KIF1A: variants seen among roughly 807,000 people sequenced by gnomAD.
The protein encoded by KIF1A is kinesin family member 1A, also known as kinesin-like protein KIF1A.
KIF1A carries 46 observed loss-of-function variants against 227.3 expected under a neutral mutation model. That is an observed-to-expected ratio of 0.20 (90% confidence interval 0.16 to 0.26). The LOEUF (loss-of-function observed/expected upper bound fraction) is 0.26. Ranked by LOEUF, KIF1A falls within the 10% of genes least tolerant of loss-of-function variation. The pLI is 1.00. For missense variants in KIF1A, 1,683 were observed against 2,485.9 expected, an observed-to-expected ratio of 0.68 and a Z score of 6.87; for synonymous variants, 1,022 against 1,012.8, an observed-to-expected ratio of 1.01 and a Z score of -0.17.
At position 240,719,769 on chromosome 2, in the gene KIF1A, C is replaced by G; in HGVS notation, c.5021+5G>C. On this transcript the variant is annotated splice_donor_5th_base_variant and intron_variant, in intron 46 of 48. Transcript: ENST00000498729. ...GGCGGTGCTTTCCAGGGAGGCCCCA[C>G]ACACCTGACTCGGATCTCCTGGATG... is the stretch of plus-strand genomic sequence containing the variant. The G allele has an allele frequency of 6.4e-7, 1 of 1,563,186 alleles. No individual in the cohort carries two copies. The highest frequency in any genetic ancestry group is 8.7e-7 in the Non-Finnish European group (1 of 1,153,024).
intron 28 of KIF1A, among the ~76,000 whole-genome samples, chr2:240,748,315 A>C (rs1409404766): frequency 6.6e-6 from 1 of 152,100 alleles, no homozygotes; most frequent in Non-Finnish European, 1.5e-5. Flanking sequence ...AGAGCTTTGC[A>C]CTGAGCTTGA....
Position 240,726,560 on chromosome 2 carries a change from T to A in KIF1A, c.4122+266A>T, listed in dbSNP as rs2046030530. On this transcript the variant is annotated intron_variant, in intron 39 of 48. Transcript: ENST00000498729. This position sits in a 1 kb window ranked among gnomAD's most constrained non-coding sequence, Gnocchi z 5.2. Reference sequence around the variant, plus strand: ...TGGGAAGCGGAGGTTGCAGTGAGACTGCGCCATTGCACTCCAGCCTGGGCG... The same window carrying A: ...TGGGAAGCGGAGGTTGCAGTGAGACAGCGCCATTGCACTCCAGCCTGGGCG... 6.6e-6 allele frequency among the ~76,000 whole-genome samples: 1 copy of A among 152,172 alleles called. No homozygotes were observed. Among genetic ancestry groups the A allele is most frequent in the South Asian group, 2.1e-4 (1 of 4,816 alleles).
chr2:240,813,017 T>TCAGC (rs2058056117), intron 1 of KIF1A, among the ~76,000 whole-genome samples: 1 of 150,858 alleles, frequency 6.6e-6, no homozygotes, highest in Non-Finnish European at 1.5e-5. Context: ...ACCTCGGGGA[T>TCAGC]CTGCCTTCAC....
Position 240,771,053 on chromosome 2 carries a change from G to C in KIF1A, c.1259C>G (p.Ser420Cys). ...GCTGGACACGGAGGCCGCGCGGCTG[G>C]ACAGGGCTGAGAGCGAGGATGAGGG... Reference protein sequence around the residue: ...MSPSSSLSALSSRAASVSSLH... With the variant: ...MSPSSSLSALCSRAASVSSLH... The change falls in exon 15 of 49, where the codon TCC becomes TGC. Residue 420 changes from serine (S) to cysteine (C), a missense_variant. Coordinates refer to ENST00000498729, the MANE Select transcript of KIF1A (RefSeq NM_001244008.2). The C allele has an allele frequency of 6.2e-7, 1 of 1,613,410 alleles. No homozygotes were observed. Among genetic ancestry groups the C allele is most frequent in the Non-Finnish European group, 8.5e-7 (1 of 1,179,842 alleles).
Position 240,717,187 on chromosome 2 carries a change from T to C in KIF1A, c.*177A>G, listed in dbSNP as rs898802782. 3 of 571,218 alleles carry C rather than the reference T, an allele frequency of 5.3e-6. No individual in the cohort carries two copies. Among genetic ancestry groups the C allele is most frequent in the Non-Finnish European group, 9.3e-6 (3 of 321,534 alleles). 35.4% of individuals were successfully genotyped at this position (571,218 alleles called of 1,614,324 possible). On this transcript the variant is annotated 3_prime_UTR_variant, in exon 49 of 49. Transcript: ENST00000498729. ...AAGAACTGACACGCACAGCCTCTGC[T>C]GGGAGCACAGCTGGTCGTGTGGCAC...
Position 240,788,998 on chromosome 2 carries a change from C to A in KIF1A, c.183+238G>T, listed in dbSNP as rs188135072. Among the ~76,000 whole-genome samples the A allele has an allele frequency of 6.6e-6, 1 of 152,142 alleles. No individual in the cohort carries two copies. Among genetic ancestry groups the A allele is most frequent in the South Asian group, 2.1e-4 (1 of 4,828 alleles). ...GGGGGAAAAGTCACCAGCAGATGGA[C>A]GTACACACAGCTCTGACCCTGGAAA... On this transcript the variant is annotated intron_variant, in intron 3 of 48. Coordinates refer to ENST00000498729, the MANE Select transcript of KIF1A (RefSeq NM_001244008.2). This position sits in a 1 kb window ranked among gnomAD's most constrained non-coding sequence, Gnocchi z 6.6.
At chr2:240,724,942 G>GGGGGGGA (rs2045830924) in intron 40 of KIF1A, 1 of 180,776 alleles carries the variant, frequency 5.5e-6, no homozygotes, top group Non-Finnish European at 1.1e-5. Context: ...GGCGGGGGGG[G>GGGGGGGA]GGGGGGGGGA....
intron 5 of KIF1A, among the ~76,000 whole-genome samples, 197 bp from the exon 6 acceptor site, chr2:240,786,710 A>AGTGAGGAGATGGGGGCCGCCATCAGGG (rs1559529661): frequency 9.5e-6 from 1 of 105,602 alleles, no homozygotes; most frequent in Non-Finnish European, 2.0e-5. Context: ...CAGCATCAGG[A>AGTGAGGAGATGGGGGCCGCCATCAGGG]CCCCTGAGTG....
chr2:240,719,073 T>C lies in KIF1A; in HGVS notation c.5147A>G (p.Glu1716Gly). The C allele has an allele frequency of 1.2e-6, 2 of 1,612,556 alleles. No homozygotes were observed. Among genetic ancestry groups the C allele is most frequent in the Non-Finnish European group, 1.7e-6 (2 of 1,179,746 alleles). The part of the protein sequence containing the change: ...YMYNSDKDTV[E>G]RFVLNLATAQ... Reference sequence around the variant, plus strand: ...AGTGGCCAGGTTGAGCACGAACCGCTCCACGGTGTCCTTGTCGCTGTTGTA... The same window carrying C: ...AGTGGCCAGGTTGAGCACGAACCGCCCCACGGTGTCCTTGTCGCTGTTGTA... Residue 1716 changes from glutamate to glycine, a missense_variant, in exon 47 of 49, where the codon GAG becomes GGG. Physicochemically the swap from Glu to Gly is moderately conservative, Grantham distance 98. Transcript: ENST00000498729.
intron 38 of KIF1A, among the ~76,000 whole-genome samples, chr2:240,732,714 G>A (rs1161706181): frequency 9.0e-6 from 1 of 110,626 alleles, no homozygotes; most frequent in Non-Finnish European, 1.9e-5. Context: ...GGATGAGGGG[G>A]GATGAGGGAT....
chr2:240,750,833 C>T (rs1161162656), intron 27 of KIF1A, among the ~76,000 whole-genome samples: 1 of 152,174 alleles, frequency 6.6e-6, no homozygotes, highest in African/African-American at 2.4e-5. Flanking sequence ...GAGAAGGGAG[C>T]AGCCGAGGAG....
intron 6 of KIF1A, among the ~76,000 whole-genome samples, chr2:240,785,695 C>T (rs1467081612): frequency 6.6e-6 from 1 of 152,218 alleles, no homozygotes; most frequent in African/African-American, 2.4e-5. Flanking sequence ...GTCACAATGA[C>T]GGCCAGGGTG....
At chr2:240,819,700 C>T (rs1371063495) in intron 1 of KIF1A, among the ~76,000 whole-genome samples, 2 of 151,400 alleles carry the variant, frequency 1.3e-5, no homozygotes, top group Non-Finnish European at 2.9e-5. Flanking sequence ...CCTCCCCCGC[C>T]GTCTGGGCGC....
At chr2:240,769,006 AGTGCCTG>A in intron 17 of KIF1A, 120 bp downstream of exon 17, 1 of 786,660 alleles carries the variant, frequency 1.3e-6, no homozygotes, top group Admixed American at 2.1e-5. Context: ...TCACAGCCCC[AGTGCCTG>A]GGCCAGAGCC....
In KIF1A at chr2:240,722,456, C is replaced by A; in HGVS notation, c.4665G>T (p.Lys1555Asn). 6.5e-7 allele frequency: 1 copy of A among 1,546,172 alleles called. No homozygotes were observed. The highest frequency in any genetic ancestry group is 8.7e-7 in the Non-Finnish European group (1 of 1,146,700). ...TGTACTGCCCACCAGCTGGACCCACCTTGACGGCCAGCTCCCGCTGCCTCT... is the reference window on the plus strand; with the variant it reads ...TGTACTGCCCACCAGCTGGACCCACATTGACGGCCAGCTCCCGCTGCCTCT... ...PNERQRELAV[K>N]CLRLLTHTFN... The change falls in exon 43 of 49, where the codon AAG becomes AAT. Residue 1555 changes from lysine to asparagine, a missense_variant and splice_region_variant. This residue lies in a region of KIF1A where 384 missense variants were observed against 410.1 expected (regional missense o/e 0.94). Transcript: ENST00000498729.
intron 38 of KIF1A, among the ~76,000 whole-genome samples, chr2:240,730,496 G>A (rs529654422): frequency 1.2e-4 from 19 of 152,144 alleles, no homozygotes; most frequent in Non-Finnish European, 2.1e-4. Flanking sequence ...TCTATCCCAC[G>A]TGACAGCACC....
chr2:240,723,588 T>A, intron 41 of KIF1A, 30 bp from the exon 42 acceptor site: 1 of 1,514,392 alleles, frequency 6.6e-7, no homozygotes, highest in Non-Finnish European at 8.9e-7. Flanking sequence ...ATTCCACCCC[T>A]ACCTGATGGG....
chr2:240,790,778 C>A lies in KIF1A; in HGVS notation c.107-1466G>T, dbSNP rs767984765. On this transcript the variant is annotated intron_variant, in intron 2 of 48. Coordinates refer to ENST00000498729, the MANE Select transcript of KIF1A (RefSeq NM_001244008.2). The surrounding 1 kb of genome is among the most constrained non-coding windows in gnomAD (Gnocchi z 5.0). ...TCAGGGTGATGACAAGCTAGGAACA[C>A]CAGAAGCAGCCGGCAAGCCCCAGAA... Among the ~76,000 whole-genome samples, 13 of 152,040 alleles carry A rather than the reference C, an allele frequency of 8.6e-5. No individual in the cohort carries two copies. The highest frequency in any genetic ancestry group is 1.8e-4 in the Non-Finnish European group (12 of 68,002).
At position 240,814,604 on chromosome 2, in the gene KIF1A, G is replaced by A. The variant is rs537799024; in HGVS notation, c.-61+5518C>T. On this transcript the variant is annotated intron_variant, in intron 1 of 48. Transcript: ENST00000498729. ...GCAGCTGCCAGAGGCCACTTCTGGA[G>A]GTGCGATAAAAGGGAAAAAACTCAT... Among the ~76,000 whole-genome samples the A allele has an allele frequency of 1.8e-3, 267 of 152,282 alleles. 1 individual carries two copies. Among genetic ancestry groups the A allele is most frequent in the African/African-American group, 5.3e-3 (220 of 41,556 alleles).
Sources: gnomAD v4.1 joint callset for allele counts (sites outside exome capture counted in the v4.1 genomes callset) on GRCh38, gnomAD v4.1.1 for gene constraint, gnomAD v4.1.1 regional missense constraint, Gnocchi (gnomAD v3.1) non-coding constraint, MANE v1.5 for transcripts, NCBI Gene and HGNC (gene_info 2026-07-23, HGNC 2026-07-21) for gene names.